Variants in SHTN1 observed in about 807,000 individuals in gnomAD.
SHTN1 encodes shootin-1.
Under a neutral mutation model 83.1 loss-of-function variants are expected in SHTN1, and 42 were observed. The observed-to-expected ratio is 0.51, with a 90% CI of 0.39 to 0.65. SHTN1 has a LOEUF of 0.65. SHTN1 is among the 30% of genes least tolerant of loss of function. The probability of loss-of-function intolerance (pLI) is 0.00; values close to 1 mark genes in which losing one functional copy is unlikely to be tolerated. For missense variants in SHTN1, 622 were observed against 737.8 expected, an observed-to-expected ratio of 0.84 and a Z score of 1.82; for synonymous variants, 224 against 247.7, an observed-to-expected ratio of 0.90 and a Z score of 0.90.
intron 12 of SHTN1, among the ~76,000 whole-genome samples, chr10:116,916,444 T>C (rs1324175446): frequency 6.6e-6 from 1 of 152,192 alleles, no homozygotes; most frequent in Admixed American, 6.5e-5. Context: ...TTTAATAGAC[T>C]CTACACTGCC....
At chr10:116,935,713 T>C (rs1287285018) in intron 9 of SHTN1, among the ~76,000 whole-genome samples, 2 of 152,226 alleles carry the variant, frequency 1.3e-5, no homozygotes, top group Admixed American at 6.5e-5. Context: ...TCTTTTTCTA[T>C]TGCTTGGAAT....
chr10:116,889,891 G>C (rs1161525554), intron 16 of SHTN1, among the ~76,000 whole-genome samples: 3 of 152,140 alleles, frequency 2.0e-5, no homozygotes, highest in Non-Finnish European at 4.4e-5. Flanking sequence ...GACATCACTA[G>C]GTCCACTCTT....
intron 4 of SHTN1, among the ~76,000 whole-genome samples, chr10:116,956,127 T>C (rs1849970184): frequency 1.3e-5 from 2 of 152,238 alleles, no homozygotes; most frequent in South Asian, 4.1e-4. Context: ...TGTATCCTAA[T>C]ATTTAAACTA....
chr10:116,888,505 C>T (rs1186477652), intron 16 of SHTN1, among the ~76,000 whole-genome samples: 4 of 152,278 alleles, frequency 2.6e-5, no homozygotes, highest in Non-Finnish European at 5.9e-5. Context: ...GGAGGGAAGG[C>T]GGCTGTAAAG....
upstream of SHTN1, among the ~76,000 whole-genome samples, chr10:117,007,596 A>G (rs1852042417): frequency 6.8e-6 from 1 of 148,066 alleles, no homozygotes; most frequent in South Asian, 2.2e-4. Context: ...GAAATACAAT[A>G]TGGCATTCAC....
chr10:117,059,449 A>G (rs1852869919), intron 1 of SHTN1, among the ~76,000 whole-genome samples: 1 of 152,244 alleles, frequency 6.6e-6, no homozygotes, highest in African/African-American at 2.4e-5. Flanking sequence ...TATTTGTAAT[A>G]GCCAAAAACC....
Position 116,886,357 on chromosome 10 carries a change from C to T in SHTN1, c.1883G>A (p.Ser628Asn). ...DSIENVRETD[S>N]SNC ...CTGGTTTATGGATCAGCAGTTGGAG[C>T]TGTCTGTCTCTCTCACGTTTTCAAT... The change falls in exon 17 of 17, where the codon AGC becomes AAC. Residue 628 changes from serine to asparagine, a missense_variant. By Grantham distance (46) the Ser-to-Asn change is conservative (BLOSUM62 1). Around this residue, in one of 3 missense-constraint regions of SHTN1, gnomAD observed 231 missense variants for 251.6 expected, o/e 0.92. Coordinates refer to ENST00000355371, the MANE Select transcript of SHTN1 (RefSeq NM_001127211.3). 6.4e-7 allele frequency: 1 copy of T among 1,553,568 alleles called. No homozygotes were observed. Among genetic ancestry groups the T allele is most frequent in the Non-Finnish European group, 8.7e-7 (1 of 1,147,618 alleles).
upstream of SHTN1, chr10:117,005,668 C>T (rs1005075169): frequency 2.0e-5 from 16 of 812,008 alleles, no homozygotes; most frequent in African/African-American, 2.6e-4. Flanking sequence ...AGGGGCGGGC[C>T]CAGGGTGGTA....
At chr10:116,937,406 C>T (rs1030366663) in intron 9 of SHTN1, among the ~76,000 whole-genome samples, 2 of 152,124 alleles carry the variant, frequency 1.3e-5, no homozygotes, top group East Asian at 3.9e-4. Flanking sequence ...GATTTTATTT[C>T]TCCTTCGCTT....
intron 1 of SHTN1, among the ~76,000 whole-genome samples, chr10:116,995,129 T>C (rs1010057477): frequency 6.6e-6 from 1 of 152,174 alleles, no homozygotes; most frequent in Non-Finnish European, 1.5e-5. Context: ...ATGGCCATTT[T>C]AAGTCTTGTT....
At chr10:117,055,670 C>T (rs1484474542) in intron 1 of SHTN1, among the ~76,000 whole-genome samples, 3 of 152,192 alleles carry the variant, frequency 2.0e-5, no homozygotes, top group Non-Finnish European at 4.4e-5. Context: ...GAGTTCAAGA[C>T]CAGCCTGGGC....
chr10:116,927,774 C>A lies in SHTN1; in HGVS notation c.1112+18G>T. The A allele has an allele frequency of 1.3e-6, 2 of 1,529,844 alleles. No individual in the cohort carries two copies. The highest frequency in any genetic ancestry group is 1.8e-6 in the Non-Finnish European group (2 of 1,140,616). The allele number at this position is 1,529,844 out of a possible 1,614,324, so 94.8% of individuals were successfully genotyped here. On this transcript the variant is annotated intron_variant, in intron 11 of 16. Transcript: ENST00000355371. The stretch of plus-strand genomic sequence containing the variant: ...AGAAGAACATTTGATGCAGAGCAGT[C>A]TTCCTGGATGTGCTTACCGGATAGG...
chr10:116,960,042 G>T, intron 4 of SHTN1, 94 bp downstream of exon 4: 1 of 698,296 alleles, frequency 1.4e-6, no homozygotes. Context: ...ATCGATTAGA[G>T]AAGTAGAAAA....
intron 8 of SHTN1, among the ~76,000 whole-genome samples, chr10:116,941,923 C>A (rs2133399276): frequency 6.6e-6 from 1 of 152,264 alleles, no homozygotes; most frequent in South Asian, 2.1e-4. Flanking sequence ...GAAAAGCCTA[C>A]AAAACTACGA....
intron 13 of SHTN1, among the ~76,000 whole-genome samples, chr10:116,913,925 A>C (rs550219813): frequency 1.3e-5 from 2 of 152,332 alleles, no homozygotes; most frequent in Non-Finnish European, 2.9e-5. Flanking sequence ...GCTGTGCCAG[A>C]TCATTCTACA....
intron 16 of SHTN1, among the ~76,000 whole-genome samples, chr10:116,889,212 C>T (rs1313791372): frequency 1.3e-5 from 2 of 152,152 alleles, no homozygotes; most frequent in Non-Finnish European, 2.9e-5. Flanking sequence ...CTAAAAATTT[C>T]CAGGAAGTGC....
At chr10:116,979,151 AC>A (rs1461072585) in intron 2 of SHTN1, 104 bp downstream of exon 2, 1 of 933,600 alleles carries the variant, frequency 1.1e-6, no homozygotes, top group Non-Finnish European at 1.7e-6. Context: ...AAAGAAAAAA[AC>A]AACCCTCATT....
chr10:117,124,549 G>A (rs745515525), intron 1 of SHTN1, among the ~76,000 whole-genome samples: 27 of 152,142 alleles, frequency 1.8e-4, no homozygotes, highest in East Asian at 5.8e-4. Context: ...GAGGTGAGTC[G>A]ATCACCTGAG....
chr10:116,939,573 C>T (rs1055028821), intron 9 of SHTN1, among the ~76,000 whole-genome samples: 2 of 152,198 alleles, frequency 1.3e-5, no homozygotes, highest in Admixed American at 6.5e-5. Flanking sequence ...TGATCCCGCT[C>T]GGAGCTGCAG....
Sources: gnomAD v4.1 joint callset for allele counts (sites outside exome capture counted in the v4.1 genomes callset) on GRCh38, gnomAD v4.1.1 for gene constraint, gnomAD v4.1.1 regional missense constraint, MANE v1.5 for transcripts, NCBI Gene and HGNC (gene_info 2026-07-23, HGNC 2026-07-21) for gene names.